Variants in UGT1A7 observed in about 807,000 individuals in gnomAD.
UGT1A7 encodes the protein UDP-glucuronosyltransferase 1A7.
Under a neutral mutation model 45.6 loss-of-function variants are expected in UGT1A7, and 33 were observed. That is an observed-to-expected ratio of 0.72 (90% confidence interval 0.55 to 0.97). The LOEUF is 0.97. UGT1A7 is among the 50% of genes least tolerant of loss of function. UGT1A7 has a pLI of 0.00. For missense variants in UGT1A7, 684 were observed against 666.2 expected, an observed-to-expected ratio of 1.03 and a Z score of -0.29; for synonymous variants, 274 against 250.6, an observed-to-expected ratio of 1.09 and a Z score of -0.88.
At chr2:233,716,813 G>C (rs1182670482) in intron 1 of UGT1A7, among the ~76,000 whole-genome samples, 1 of 152,094 alleles carries the variant, frequency 6.6e-6, no homozygotes, top group Admixed American at 6.6e-5. Context: ...GACGTTGCTG[G>C]GGTGACCTCA....
chr2:233,767,249 T>C, intron 2 of UGT1A7, 84 bp downstream of exon 2: 1 of 1,600,756 alleles, frequency 6.2e-7, no homozygotes, highest in Non-Finnish European at 8.5e-7. Context: ...TTAATTCTCT[T>C]AATTGGAACC....
At chr2:233,693,531 G>C in intron 1 of UGT1A7, 1 of 1,614,154 alleles carries the variant, frequency 6.2e-7, no homozygotes, top group Admixed American at 1.7e-5. Context: ...GGTTTTCCGT[G>C]TTCCCTGGAG....
In UGT1A7 at chr2:233,719,646, A is replaced by C. The variant is rs147342917; in HGVS notation, c.855+36854A>C. The stretch of plus-strand genomic sequence containing the variant: ...GCCGATCATGCCCAACATGGTCTTC[A>C]TTGGGGGCATCAACTGTGCCAACGG... On this transcript the variant is annotated intron_variant, in intron 1 of 4. Transcript: ENST00000373426. 2.8e-3 allele frequency: 4,509 copies of C among 1,613,986 alleles called. 13 individuals carry two copies. Among genetic ancestry groups the C allele is most frequent in the Non-Finnish European group, 3.7e-3 (4,328 of 1,179,976 alleles).
chr2:233,683,560 T>A (rs1408548719), intron 1 of UGT1A7, among the ~76,000 whole-genome samples: 3 of 152,212 alleles, frequency 2.0e-5, no homozygotes, highest in African/African-American at 7.2e-5. Flanking sequence ...GGCCTTCTTT[T>A]GCTATTACAT....
intron 1 of UGT1A7, among the ~76,000 whole-genome samples, chr2:233,732,815 A>C (rs1359476181): frequency 7.1e-6 from 1 of 140,410 alleles, no homozygotes; most frequent in African/African-American, 2.7e-5. Context: ...TTGATTCCAT[A>C]TGAACTTTAA....
intron 1 of UGT1A7, chr2:233,760,697 T>C (rs1697532735): frequency 6.2e-7 from 1 of 1,614,264 alleles, no homozygotes; most frequent in Non-Finnish European, 8.5e-7. Context: ...AAGGAGCTCA[T>C]GGCCTCCCTG....
At position 233,769,005 on chromosome 2, in the gene UGT1A7, C is replaced by G. The variant is rs929159668; in HGVS notation, c.1295+566C>G. 2.0e-5 allele frequency among the ~76,000 whole-genome samples: 3 copies of G among 152,020 alleles called. No individual in the cohort carries two copies. Among genetic ancestry groups the G allele is most frequent in the South Asian group, 4.2e-4 (2 of 4,812 alleles). ...TATTTCCCCCATTAGATTTAAAACT[C>G]CAATTTACATAAAAAGTTGCCATAA... On this transcript the variant is annotated intron_variant, in intron 4 of 4. Transcript: ENST00000373426. This position sits in a 1 kb window ranked among gnomAD's most constrained non-coding sequence, Gnocchi z 4.4.
chr2:233,693,391 C>T, intron 1 of UGT1A7: 1 of 1,614,172 alleles, frequency 6.2e-7, no homozygotes, highest in Non-Finnish European at 8.5e-7. Flanking sequence ...GCCAGAGCCT[C>T]CTGCAGGACA....
intron 1 of UGT1A7, among the ~76,000 whole-genome samples, chr2:233,715,004 G>T (rs1008928974): frequency 2.6e-5 from 4 of 152,136 alleles, no homozygotes; most frequent in African/African-American, 4.8e-5. Context: ...AGCCTCCCAA[G>T]TAGCTGGAAC....
rs115332590 is a variant in UGT1A7 at position 233,732,850 on chromosome 2, G to T, written c.856-34184G>T. Among the ~76,000 whole-genome samples the T allele has an allele frequency of 7.9e-3, 1,186 of 150,004 alleles. 18 individuals carry two copies. Among genetic ancestry groups the T allele is most frequent in the African/African-American group, 0.025 (998 of 40,660 alleles). On this transcript the variant is annotated intron_variant, in intron 1 of 4. Coordinates refer to ENST00000373426, the MANE Select transcript of UGT1A7 (RefSeq NM_019077.3). ...AAGTAGTTTTTTCCAATTTTGTGAA[G>T]TCATTGGTAGCTTGATGGGTTTGGC...
At chr2:233,718,552 G>C (rs536854799) in intron 1 of UGT1A7, among the ~76,000 whole-genome samples, 10 of 152,348 alleles carry the variant, frequency 6.6e-5, no homozygotes, top group Admixed American at 2.6e-4. Context: ...GAATGAGAAA[G>C]AAGAGCTTGA....
rs948752989 is a variant in UGT1A7 at position 233,724,891 on chromosome 2, C to G, written c.855+42099C>G. Reference sequence around the variant, plus strand: ...GTAGTGAGCGGAGATCACGCCACTGCACTCCAGCCTGGGCACCATTGAGCA... The same window carrying G: ...GTAGTGAGCGGAGATCACGCCACTGGACTCCAGCCTGGGCACCATTGAGCA... On this transcript the variant is annotated intron_variant, in intron 1 of 4. Transcript: ENST00000373426. Among the ~76,000 whole-genome samples the G allele has an allele frequency of 2.9e-4, 40 of 136,070 alleles. 2 individuals carry two copies. Among genetic ancestry groups the G allele is most frequent in the African/African-American group, 1.2e-3 (40 of 33,596 alleles). The allele number at this position is 136,070 out of a possible 152,430, so 89.3% of individuals were successfully genotyped here. A position where few individuals can be genotyped will look rare whatever the true frequency, so the allele number is the denominator to read the frequency against.
chr2:233,706,970 T>G (rs1184421684), intron 1 of UGT1A7, among the ~76,000 whole-genome samples: 1 of 152,146 alleles, frequency 6.6e-6, no homozygotes, highest in Non-Finnish European at 1.5e-5. Flanking sequence ...AGAAACTTGA[T>G]TCTTCACAGA....
chr2:233,741,020 G>A (rs946824154), intron 1 of UGT1A7: 9 of 151,702 alleles, frequency 5.9e-5, no homozygotes, highest in Admixed American at 3.3e-4. Context: ...CCAGGAATTC[G>A]TGGTTACAGT....
intron 1 of UGT1A7, among the ~76,000 whole-genome samples, chr2:233,751,911 A>T (rs1694846299): frequency 6.6e-6 from 1 of 152,190 alleles, no homozygotes; most frequent in African/African-American, 2.4e-5. Context: ...GAACAGACTA[A>T]TACAAGATTG....
chr2:233,701,346 A>T (rs148707887), intron 1 of UGT1A7, among the ~76,000 whole-genome samples: 1 of 152,088 alleles, frequency 6.6e-6, no homozygotes, highest in African/African-American at 2.4e-5. Flanking sequence ...ACAGTGTAAA[A>T]GTTCTTAGAG....
rs761516231 is a variant in UGT1A7, at chr2:233,693,158, C to T, written c.855+10366C>T. 27 of 1,614,000 alleles carry T rather than the reference C, an allele frequency of 1.7e-5. No individual in the cohort carries two copies. Among genetic ancestry groups the T allele is most frequent in the East Asian group, 1.1e-4 (5 of 44,886 alleles). ...GGATATAGTTGAGGTTCTCAGTGAC[C>T]GGGGTCATGAGATTGTAGTGGTGGT... is the stretch of plus-strand genomic sequence containing the variant. On this transcript the variant is annotated intron_variant, in intron 1 of 4. Coordinates refer to ENST00000373426, the MANE Select transcript of UGT1A7 (RefSeq NM_019077.3).
rs528561296 is a variant in UGT1A7 at position 233,741,118 on chromosome 2, C to T, written c.856-25916C>T. On this transcript the variant is annotated intron_variant, in intron 1 of 4. Transcript: ENST00000373426. Reference sequence around the variant, plus strand: ...AAACAGACAATCAAGCTTTACACTTCTATAAAAGCAACACTTTCCATTTAT... The same window carrying T: ...AAACAGACAATCAAGCTTTACACTTTTATAAAAGCAACACTTTCCATTTAT... Among the ~76,000 whole-genome samples the T allele has an allele frequency of 4.6e-4, 70 of 151,828 alleles. 2 individuals are homozygous for T. Among genetic ancestry groups the T allele is most frequent in the African/African-American group, 1.6e-3 (68 of 41,226 alleles).
In UGT1A7 at chr2:233,718,993, C is replaced by A. The variant is rs141408391; in HGVS notation, c.855+36201C>A. 181 of 1,614,090 alleles carry A rather than the reference C, an allele frequency of 1.1e-4. 1 individual carries two copies. Among genetic ancestry groups the A allele is most frequent in the Non-Finnish European group, 1.5e-4 (178 of 1,180,054 alleles). On this transcript the variant is annotated intron_variant, in intron 1 of 4. Transcript: ENST00000373426. ...GAGCTCCATGCCAGAGGCCACCAGGCGGTGGTCCTCACCCCAGAGGTGAAT... is the reference window on the plus strand; with the variant it reads ...GAGCTCCATGCCAGAGGCCACCAGGAGGTGGTCCTCACCCCAGAGGTGAAT...
Sources: gnomAD v4.1 joint callset for allele counts (sites outside exome capture counted in the v4.1 genomes callset) on GRCh38, gnomAD v4.1.1 for gene constraint, Gnocchi (gnomAD v3.1) non-coding constraint, MANE v1.5 for transcripts, NCBI Gene and HGNC (gene_info 2026-07-23, HGNC 2026-07-21) for gene names.